Variants in MTUS1 observed in about 807,000 individuals in gnomAD.
MTUS1 encodes microtubule associated scaffold protein 1.
MTUS1 carries 109 observed loss-of-function variants against 120.8 expected under a neutral mutation model. The observed-to-expected ratio is 0.90, with a 90% confidence interval of 0.77 to 1.06. The LOEUF (loss-of-function observed/expected upper bound fraction) is 1.06, where lower values mean the gene tolerates loss of function less well. MTUS1 is among the 50% of genes least tolerant of loss of function. The pLI is 0.00. For synonymous variants in MTUS1, 737 were observed against 550.5 expected (o/e 1.34, Z -4.74); for missense variants, 2,210 against 1,486.3 (o/e 1.49, Z -8.01).
At chr8:17,760,511 A>C (rs2048961383) in intron 1 of MTUS1, among the ~76,000 whole-genome samples, 1 of 152,194 alleles carries the variant, frequency 6.6e-6, no homozygotes, top group Non-Finnish European at 1.5e-5. Context: ...GACAAAGCCA[A>C]GGACAGAAAA....
chr8:17,647,106 T>C lies in MTUS1; in HGVS notation c.3502-27A>G, dbSNP rs1192489117. On this transcript the variant is annotated intron_variant, in intron 13 of 14. Transcript: ENST00000693296. ...TTGGCATAAACAAGAATTCCAACAT[T>C]TATACAATATTAAAAAAAAAACCCC... 3 of 1,564,004 alleles carry C rather than the reference T, an allele frequency of 1.9e-6. No individual in the cohort carries two copies. The African/African-American group carries it at 4.1e-5, about 21-fold the overall frequency.
intron 2 of MTUS1, 29 bp from the exon 3 acceptor site, chr8:17,743,828 C>G (rs775771010): frequency 1.3e-6 from 2 of 1,591,224 alleles, no homozygotes. Context: ...AGACTGTAAA[C>G]CAAAACTAAA....
intron 8 of MTUS1, among the ~76,000 whole-genome samples, chr8:17,665,657 G>A (rs966502200): frequency 1.1e-4 from 17 of 152,192 alleles, no homozygotes; most frequent in South Asian, 4.1e-4. Flanking sequence ...CACTATGCCC[G>A]GCCCTAGAAC....
chr8:17,653,115 G>A (rs965902909), intron 12 of MTUS1, 71 bp downstream of exon 12: 12 of 812,344 alleles, frequency 1.5e-5, no homozygotes, highest in Non-Finnish European at 2.4e-5. Flanking sequence ...TGGCTGCTGA[G>A]TACTTGAATG....
chr8:17,774,531 G>C (rs543677966), intron 1 of MTUS1, among the ~76,000 whole-genome samples: 8 of 152,298 alleles, frequency 5.3e-5, no homozygotes, highest in African/African-American at 1.9e-4. Context: ...TCTTTAGCGA[G>C]ATGCAAATCA....
intron 8 of MTUS1, among the ~76,000 whole-genome samples, chr8:17,668,202 C>G (rs1811293729): frequency 1.3e-5 from 2 of 152,180 alleles, no homozygotes; most frequent in South Asian, 4.1e-4. Flanking sequence ...TTTCTTAGAA[C>G]ATTATGAGAT....
At chr8:17,794,884 C>T (rs551446806) in intron 1 of MTUS1, among the ~76,000 whole-genome samples, 3 of 152,160 alleles carry the variant, frequency 2.0e-5, no homozygotes, top group South Asian at 2.1e-4. Context: ...ATTTTCATTC[C>T]GTAAAGCTAG....
intron 3 of MTUS1, among the ~76,000 whole-genome samples, chr8:17,738,565 T>C (rs998667519): frequency 1.3e-5 from 2 of 152,196 alleles, no homozygotes; most frequent in African/African-American, 2.4e-5. Flanking sequence ...TATTACTGTA[T>C]TTTTTATTGT....
At chr8:17,697,496 T>A in intron 6 of MTUS1, 1 of 1,446,308 alleles carries the variant, frequency 6.9e-7, no homozygotes, top group Non-Finnish European at 9.2e-7. Flanking sequence ...GAAAGATGCC[T>A]ACACAGCAAA....
At chr8:17,748,203 G>C (rs2047916639) in intron 2 of MTUS1, 1 of 152,266 alleles carries the variant, frequency 6.6e-6, no homozygotes, top group Non-Finnish European at 1.5e-5. Context: ...TACTTGGATG[G>C]CAGACAGACA....
intron 4 of MTUS1, 22 bp downstream of exon 4, chr8:17,723,650 G>C (rs141682314): frequency 6.3e-7 from 1 of 1,599,600 alleles, no homozygotes. Flanking sequence ...AACCCCCGAA[G>C]TGTGATATAA....
chr8:17,773,529 G>T (rs915748765), intron 1 of MTUS1, among the ~76,000 whole-genome samples: 1 of 152,160 alleles, frequency 6.6e-6, no homozygotes, highest in African/African-American at 2.4e-5. Context: ...TCAGGGTTCT[G>T]CAGGCTTAGA....
At chr8:17,788,810 G>A (rs888859543) in intron 1 of MTUS1, among the ~76,000 whole-genome samples, 2 of 152,158 alleles carry the variant, frequency 1.3e-5, no homozygotes, top group Admixed American at 6.6e-5. Flanking sequence ...CCATCAGAAA[G>A]TAACCTTTGT....
chr8:17,737,006 C>T (rs2046980354), intron 3 of MTUS1, among the ~76,000 whole-genome samples: 1 of 152,184 alleles, frequency 6.6e-6, no homozygotes, highest in South Asian at 2.1e-4. Context: ...CACTTCATTC[C>T]AGCACTTAGA....
At chr8:17,683,916 C>G (rs1041801782) in intron 7 of MTUS1, among the ~76,000 whole-genome samples, 3 of 152,114 alleles carry the variant, frequency 2.0e-5, no homozygotes. Context: ...GGAGTTAACT[C>G]AAAAGTGCTC....
intron 4 of MTUS1, chr8:17,716,368 C>T (rs1286890271): frequency 6.5e-6 from 1 of 153,528 alleles, no homozygotes; most frequent in Non-Finnish European, 1.4e-5. Context: ...CTTGCTCCTA[C>T]AGCAAGGAGT....
intron 2 of MTUS1, among the ~76,000 whole-genome samples, chr8:17,746,219 T>G (rs573118914): frequency 6.6e-6 from 1 of 152,338 alleles, no homozygotes; most frequent in East Asian, 1.9e-4. Flanking sequence ...CTACATGATC[T>G]TGGCTGCTGT....
chr8:17,780,983 G>C (rs1307893470), intron 1 of MTUS1: 3 of 152,238 alleles, frequency 2.0e-5, no homozygotes, highest in Admixed American at 6.5e-5. Context: ...CTGAGGGGCT[G>C]TGGAAGAATC....
At chr8:17,767,843 C>G (rs2049680355) in intron 1 of MTUS1, among the ~76,000 whole-genome samples, 1 of 152,092 alleles carries the variant, frequency 6.6e-6, no homozygotes, top group East Asian at 1.9e-4. Context: ...CAATGGGAGT[C>G]TGCCAAAGGA....
Sources: gnomAD v4.1 joint callset for allele counts (sites outside exome capture counted in the v4.1 genomes callset) on GRCh38, gnomAD v4.1.1 for gene constraint, MANE v1.5 for transcripts, NCBI Gene and HGNC (gene_info 2026-07-23, HGNC 2026-07-21) for gene names.